The following ELP3 variants were observed in gnomAD, a reference collection of about 807,000 sequenced individuals.
The protein encoded by ELP3 is elongator acetyltransferase complex subunit 3.
Under a neutral mutation model 74.9 loss-of-function variants are expected in ELP3, and 56 were observed. The observed-to-expected ratio is 0.75, with a 90% CI of 0.60 to 0.93. ELP3 has a LOEUF of 0.93. Among genes scored for constraint, ELP3 ranks in the 40% least tolerant of loss-of-function variants. ELP3 has a pLI of 0.00. For missense variants in ELP3, 573 were observed against 686.5 expected, an observed-to-expected ratio of 0.83 and a Z score of 1.85; for synonymous variants, 222 against 239.8, an observed-to-expected ratio of 0.93 and a Z score of 0.68.
At chr8:28,135,664 C>T (rs1057441327) in intron 9 of ELP3, among the ~76,000 whole-genome samples, 10 of 152,188 alleles carry the variant, frequency 6.6e-5, no homozygotes, top group South Asian at 4.1e-4. Context: ...ACGGATAATT[C>T]CCTCTATGTA....
At chr8:28,121,904 T>C (rs1812388815) in intron 7 of ELP3, among the ~76,000 whole-genome samples, 1 of 152,264 alleles carries the variant, frequency 6.6e-6, no homozygotes, top group Non-Finnish European at 1.5e-5. Context: ...TGGGCGTCTC[T>C]GTCTTGTTCC....
chr8:28,176,552 A>C (rs888977979), intron 14 of ELP3, among the ~76,000 whole-genome samples: 5 of 152,194 alleles, frequency 3.3e-5, no homozygotes, highest in African/African-American at 1.2e-4. Flanking sequence ...CCTCTCCCTC[A>C]TCAGACACTC....
At chr8:28,179,861 G>T (rs1814930208) in intron 14 of ELP3, among the ~76,000 whole-genome samples, 1 of 152,158 alleles carries the variant, frequency 6.6e-6, no homozygotes, top group Non-Finnish European at 1.5e-5. Flanking sequence ...ATGCTGTGTG[G>T]CCTGGGGGTT....
In ELP3 at chr8:28,120,851, A is replaced by T. The variant is rs1220415993; in HGVS notation, c.617+7678A>T. ...ACCTTTGTTAAAAATCGAAGGACTCAGTAAATGTGGGCTGGGCTCTTTTCT... is the reference window on the plus strand; with the variant it reads ...ACCTTTGTTAAAAATCGAAGGACTCTGTAAATGTGGGCTGGGCTCTTTTCT... On this transcript the variant is annotated intron_variant, in intron 7 of 14. Coordinates refer to ENST00000256398, the MANE Select transcript of ELP3 (RefSeq NM_018091.6). Among the ~76,000 whole-genome samples, 6 of 152,234 alleles carry T rather than the reference A, an allele frequency of 3.9e-5. No individual in the cohort carries two copies. In the East Asian group the frequency reaches 7.7e-4, roughly 19 times the overall value.
intron 14 of ELP3, among the ~76,000 whole-genome samples, chr8:28,185,597 G>A (rs1463738361): frequency 1.3e-5 from 2 of 152,182 alleles, no homozygotes; most frequent in East Asian, 3.8e-4. Flanking sequence ...GTGAATTCTG[G>A]CTTCTTTGTA....
intron 3 of ELP3, among the ~76,000 whole-genome samples, chr8:28,105,076 A>G (rs1270660376): frequency 1.3e-5 from 2 of 152,182 alleles, no homozygotes; most frequent in African/African-American, 4.8e-5. Flanking sequence ...CTAGCTTTCT[A>G]GCACAATAAA....
At chr8:28,097,418 A>G in intron 2 of ELP3, 100 bp downstream of exon 2, 1 of 748,428 alleles carries the variant, frequency 1.3e-6, no homozygotes, top group Non-Finnish European at 2.2e-6. Flanking sequence ...GTTTTATTTT[A>G]GTTGAGAATT....
intron 11 of ELP3, among the ~76,000 whole-genome samples, chr8:28,156,450 CT>C (rs1296188008): frequency 6.6e-6 from 1 of 152,192 alleles, no homozygotes; most frequent in Non-Finnish European, 1.5e-5. Flanking sequence ...TCTCCTATCC[CT>C]CTGGCCATTG....
upstream of ELP3, chr8:28,090,330 C>A (rs1811018878): frequency 2.6e-6 from 1 of 391,208 alleles, no homozygotes; most frequent in African/African-American, 2.1e-5. Flanking sequence ...CCTCCATAGT[C>A]TGGTGAGTGT....
intron 10 of ELP3, among the ~76,000 whole-genome samples, chr8:28,150,971 CATT>C (rs1813620521): frequency 6.6e-6 from 1 of 152,122 alleles, no homozygotes; most frequent in Non-Finnish European, 1.5e-5. Flanking sequence ...GATGTGGTCT[CATT>C]ATGTTGTCTA....
rs1464128357 is a variant in ELP3, at chr8:28,093,205, C to A, written c.-10C>A. ...TTTATCTCTGGTGGCTCTGCTACGG[C>A]GGCGCAGAAATGAGGCAGAAGCGGA... On this transcript the variant is annotated 5_prime_UTR_variant, in exon 1 of 15. Transcript: ENST00000256398. 6.2e-7 allele frequency: 1 copy of A among 1,612,740 alleles called. No homozygotes were observed. Among genetic ancestry groups the A allele is most frequent in the African/African-American group, 1.3e-5 (1 of 74,864 alleles).
intron 7 of ELP3, among the ~76,000 whole-genome samples, chr8:28,115,525 G>C (rs1234139531): frequency 1.3e-5 from 2 of 152,168 alleles, no homozygotes; most frequent in Admixed American, 6.5e-5. Flanking sequence ...ATTTACATTT[G>C]CTCTGTATAC....
chr8:28,095,709 G>A (rs1448710026), intron 1 of ELP3, among the ~76,000 whole-genome samples: 2 of 152,146 alleles, frequency 1.3e-5, no homozygotes, highest in Non-Finnish European at 2.9e-5. Context: ...TGCTGTTTAC[G>A]ATAGCTTGTT....
chr8:28,154,535 A>G (rs1813756435), intron 10 of ELP3, among the ~76,000 whole-genome samples: 2 of 152,178 alleles, frequency 1.3e-5, no homozygotes. Flanking sequence ...GTATAGCCAC[A>G]TATTTAATAA....
intron 14 of ELP3, among the ~76,000 whole-genome samples, chr8:28,187,562 G>T (rs1815288456): frequency 6.6e-6 from 1 of 152,182 alleles, no homozygotes; most frequent in African/African-American, 2.4e-5. Context: ...AGTAAGTTGA[G>T]TGCACGCCCG....
intron 5 of ELP3, among the ~76,000 whole-genome samples, chr8:28,109,395 G>A (rs1396494608): frequency 2.0e-5 from 3 of 151,996 alleles, no homozygotes; most frequent in African/African-American, 7.3e-5. Context: ...ATGATTTCGT[G>A]AAAAGGCTTC....
chr8:28,137,057 A>G (rs1289057645), intron 9 of ELP3, among the ~76,000 whole-genome samples: 2 of 152,222 alleles, frequency 1.3e-5, no homozygotes, highest in African/African-American at 4.8e-5. Flanking sequence ...TGGTTTAGGG[A>G]CAGAGTAGTC....
intron 14 of ELP3, among the ~76,000 whole-genome samples, chr8:28,186,453 T>C (rs778566192): frequency 1.3e-5 from 2 of 152,210 alleles, no homozygotes; most frequent in Non-Finnish European, 2.9e-5. Flanking sequence ...TCACTCTTCA[T>C]CACCACTTCA....
chr8:28,153,641 G>C (rs1430475111), intron 10 of ELP3, among the ~76,000 whole-genome samples: 1 of 152,120 alleles, frequency 6.6e-6, no homozygotes, highest in Non-Finnish European at 1.5e-5. Context: ...TTGAGAGATG[G>C]GTTCTGCAGC....
Sources: gnomAD v4.1 joint callset for allele counts (sites outside exome capture counted in the v4.1 genomes callset) on GRCh38, gnomAD v4.1.1 for gene constraint, MANE v1.5 for transcripts, NCBI Gene and HGNC (gene_info 2026-07-23, HGNC 2026-07-21) for gene names.